DFFB: variants seen among roughly 807,000 people sequenced by gnomAD.
DFFB encodes DNA fragmentation factor 40 kDa subunit.
Under a neutral mutation model 32.7 loss-of-function variants are expected in DFFB, and 29 were observed. The observed-to-expected ratio is 0.89, with a 90% CI of 0.66 to 1.21. The LOEUF is 1.21. DFFB is among the 50% of genes most tolerant of loss of function. DFFB has a pLI of 0.00. For missense variants in DFFB, 398 were observed against 440.6 expected, an observed-to-expected ratio of 0.90 and a Z score of 0.87; for synonymous variants, 170 against 177.1, an observed-to-expected ratio of 0.96 and a Z score of 0.32.
chr1:3,878,298 C>A (rs912426968), intron 6 of DFFB, among the ~76,000 whole-genome samples: 1 of 152,070 alleles, frequency 6.6e-6, no homozygotes, highest in East Asian at 1.9e-4. Flanking sequence ...ATTACAGGCA[C>A]CTGCCACCAT....
intron 6 of DFFB, among the ~76,000 whole-genome samples, chr1:3,876,740 G>A (rs565759752): frequency 1.3e-5 from 2 of 152,364 alleles, no homozygotes; most frequent in African/African-American, 4.8e-5. Flanking sequence ...CCTAAACATG[G>A]CCTGCCACCT....
Position 3,867,961 on chromosome 1 carries a change from G to A in DFFB, c.431-13G>A, listed in dbSNP as rs763876210. On this transcript the variant is annotated splice_polypyrimidine_tract_variant and intron_variant, in intron 3 of 6. Transcript: ENST00000378209. ...GCCCTGTGGACTTGGGGGTCTTCTC[G>A]TTTTCCTTGCAGGCTTGGAGTCCCG... The A allele has an allele frequency of 2.5e-5, 41 of 1,613,896 alleles. No homozygotes were observed. The highest frequency in any genetic ancestry group is 3.0e-5 in the Non-Finnish European group (35 of 1,179,950).
chr1:3,863,917 C>A (rs1644924286), intron 2 of DFFB, among the ~76,000 whole-genome samples: 1 of 152,120 alleles, frequency 6.6e-6, no homozygotes, highest in Admixed American at 6.6e-5. Context: ...GTGGATGTGG[C>A]TGCACAACTC....
chr1:3,881,932 C>T (rs1056677013), intron 6 of DFFB, among the ~76,000 whole-genome samples: 2 of 152,082 alleles, frequency 1.3e-5, no homozygotes, highest in Admixed American at 6.5e-5. Flanking sequence ...GGGGTCTGCA[C>T]CAGTTTAGCT....
chr1:3,870,651 A>G (rs1408912290), intron 5 of DFFB, among the ~76,000 whole-genome samples: 4 of 152,188 alleles, frequency 2.6e-5, no homozygotes, highest in Non-Finnish European at 5.9e-5. Flanking sequence ...TGAAAGACAC[A>G]TAAATGAGCG....
chr1:3,884,018 G>A lies in DFFB; in HGVS notation c.*277G>A, dbSNP rs1638275384. On this transcript the variant is annotated 3_prime_UTR_variant, in exon 7 of 7. Coordinates refer to ENST00000378209, the MANE Select transcript of DFFB (RefSeq NM_004402.4). Reference sequence around the variant, plus strand: ...CTCGGCTCAGCCTCCCGAGTAGCTGGGATTACAGGCATGTGCCACCACGCC... The same window carrying A: ...CTCGGCTCAGCCTCCCGAGTAGCTGAGATTACAGGCATGTGCCACCACGCC... The A allele has an allele frequency of 4.9e-6, 2 of 405,916 alleles. No individual in the cohort carries two copies. Among genetic ancestry groups the A allele is most frequent in the Non-Finnish European group, 9.0e-6 (2 of 221,440 alleles). 25.1% of individuals were successfully genotyped at this position (405,916 alleles called of 1,614,324 possible). A position where few individuals can be genotyped will look rare whatever the true frequency, so the allele number is the denominator to read the frequency against.
At chr1:3,857,755 G>T in intron 1 of DFFB, 38 bp downstream of exon 1, 1 of 1,360,778 alleles carries the variant, frequency 7.3e-7, no homozygotes, top group East Asian at 2.9e-5. Context: ...CCGTCGGGGA[G>T]GCGTGTGGGG....
At chr1:3,860,164 G>A (rs1644852395) in intron 2 of DFFB, among the ~76,000 whole-genome samples, 1 of 152,228 alleles carries the variant, frequency 6.6e-6, no homozygotes, top group East Asian at 1.9e-4. Context: ...CTGGGCTCAA[G>A]AAGTCCTCCT....
chr1:3,872,651 C>T lies in DFFB; in HGVS notation c.782+79C>T, dbSNP rs913900686. 22 of 1,291,550 alleles carry T rather than the reference C, an allele frequency of 1.7e-5. No individual in the cohort carries two copies. In the Admixed American group the frequency reaches 3.9e-4, roughly 23 times the overall value. The allele number at this position is 1,291,550 out of a possible 1,614,324, so 80.0% of individuals were successfully genotyped here. Reference sequence around the variant, plus strand: ...TGCCGTGGCCCTGTCCCTGCCATGGCCCTGTCCCTGCCACGGCCCTGTCCC... The same window carrying T: ...TGCCGTGGCCCTGTCCCTGCCATGGTCCTGTCCCTGCCACGGCCCTGTCCC... On this transcript the variant is annotated intron_variant, in intron 6 of 6. Transcript: ENST00000378209.
chr1:3,860,590 A>G (rs1043168951), intron 2 of DFFB: 1 of 286,210 alleles, frequency 3.5e-6, no homozygotes, highest in Admixed American at 3.4e-5. Flanking sequence ...GGAAGGTCCA[A>G]TGTACCTCTA....
intron 2 of DFFB, among the ~76,000 whole-genome samples, chr1:3,863,010 G>A (rs1030317686): frequency 7.2e-5 from 11 of 152,268 alleles, no homozygotes; most frequent in South Asian, 2.1e-4. Context: ...TTAGCCGGGC[G>A]TGGTGGCAGG....
chr1:3,869,459 G>C, intron 4 of DFFB, 146 bp from the exon 5 acceptor site: 1 of 787,916 alleles, frequency 1.3e-6, no homozygotes, highest in East Asian at 2.7e-5. Flanking sequence ...AGCAGTGGCC[G>C]AGAGGCCACG....
intron 3 of DFFB, among the ~76,000 whole-genome samples, chr1:3,866,957 G>A (rs1304563701): frequency 1.3e-5 from 2 of 152,008 alleles, no homozygotes; most frequent in African/African-American, 2.4e-5. Context: ...GTGCAGTGGC[G>A]CGATCTTGGC....
rs760890143 is a variant in DFFB, at chr1:3,869,685, C to A, written c.591C>A (p.Leu197=). Residue 197 remains leucine, a synonymous_variant, in exon 5 of 7, where the codon CTC becomes CTA. Coordinates refer to ENST00000378209, the MANE Select transcript of DFFB (RefSeq NM_004402.4). The stretch of plus-strand genomic sequence containing the variant: ...TCCTCGGCTCCATGTGCCAGAGGCT[C>A]CGGTCCATGCAGTACAATGGCAGCT... ...LRVLGSMCQR[L]RSMQYNGSYF... The A allele has an allele frequency of 6.2e-7, 1 of 1,613,526 alleles. No individual in the cohort carries two copies. The highest frequency in any genetic ancestry group is 1.7e-5 in the Admixed American group (1 of 60,014).
chr1:3,872,305 C>T (rs1029206497), intron 5 of DFFB, among the ~76,000 whole-genome samples, 167 bp from the exon 6 acceptor site: 8 of 151,534 alleles, frequency 5.3e-5, no homozygotes, highest in South Asian at 2.1e-4. Context: ...CCCAGCTACT[C>T]GGGAGGCTGA....
intron 5 of DFFB, among the ~76,000 whole-genome samples, chr1:3,871,791 G>A (rs1174029692): frequency 6.6e-6 from 1 of 152,210 alleles, no homozygotes; most frequent in Non-Finnish European, 1.5e-5. Flanking sequence ...GAAGCATGGC[G>A]CTGGCATCTG....
intron 5 of DFFB, among the ~76,000 whole-genome samples, chr1:3,871,847 G>A (rs1012308757): frequency 2.6e-5 from 4 of 152,246 alleles, no homozygotes; most frequent in Non-Finnish European, 5.9e-5. Flanking sequence ...TGTGGTGGAA[G>A]GGGAGGCAGG....
chr1:3,882,012 C>T (rs1645348927), intron 6 of DFFB, among the ~76,000 whole-genome samples: 1 of 148,282 alleles, frequency 6.7e-6, no homozygotes, highest in African/African-American at 2.5e-5. Flanking sequence ...GCACAGTCTT[C>T]CAAATGGTTT....
chr1:3,877,487 G>A (rs1570939246), intron 6 of DFFB, among the ~76,000 whole-genome samples: 1 of 151,750 alleles, frequency 6.6e-6, no homozygotes, highest in Non-Finnish European at 1.5e-5. Context: ...GTGCCACCCC[G>A]CCTGGCTAAT....
Sources: gnomAD v4.1 joint callset for allele counts (sites outside exome capture counted in the v4.1 genomes callset) on GRCh38, gnomAD v4.1.1 for gene constraint, MANE v1.5 for transcripts, NCBI Gene and HGNC (gene_info 2026-07-23, HGNC 2026-07-21) for gene names.